CTNNA3: variants seen among roughly 807,000 people sequenced by gnomAD.
The protein encoded by CTNNA3 is catenin alpha 3.
In CTNNA3, 76 loss-of-function variants were observed where a neutral mutation model predicts 95.7. That is an observed-to-expected ratio of 0.79 (90% CI 0.66 to 0.96). CTNNA3 has a LOEUF of 0.96. Ranked by LOEUF, CTNNA3 falls within the 40% of genes least tolerant of loss-of-function variation. The pLI is 0.00. For synonymous variants in CTNNA3, 431 were observed against 374.4 expected (o/e 1.15, Z -1.74); for missense variants, 1,191 against 1,089.8 (o/e 1.09, Z -1.31).
At chr10:66,095,990 G>A (rs557081683) in intron 14 of CTNNA3, among the ~76,000 whole-genome samples, 1 of 151,848 alleles carries the variant, frequency 6.6e-6, no homozygotes, top group Non-Finnish European at 1.5e-5. Context: ...TGTAATTTGG[G>A]GTCATCAGTA....
At chr10:66,467,201 C>A (rs1264529880) in intron 11 of CTNNA3, among the ~76,000 whole-genome samples, 1 of 152,066 alleles carries the variant, frequency 6.6e-6, no homozygotes, top group African/African-American at 2.4e-5. Flanking sequence ...TTGGGAAAGT[C>A]TTTTTTGATC....
In CTNNA3 at chr10:67,384,747, G is replaced by C. The variant is rs1427966946; in HGVS notation, c.579+137095C>G. On this transcript the variant is annotated intron_variant, in intron 5 of 17. Transcript: ENST00000433211. Reference sequence around the variant, plus strand: ...ACTCAGTTTAGAGAAAAAGCTTTCTGAGAGCTTAGAAATAGAGCATGGAAT... The same window carrying C: ...ACTCAGTTTAGAGAAAAAGCTTTCTCAGAGCTTAGAAATAGAGCATGGAAT... Among the ~76,000 whole-genome samples the C allele has an allele frequency of 3.9e-5, 6 of 152,276 alleles. No individual in the cohort carries two copies. In the South Asian group the frequency reaches 6.2e-4, roughly 16 times the overall value.
intron 7 of CTNNA3, among the ~76,000 whole-genome samples, chr10:67,009,069 C>A (rs1403411979): frequency 6.6e-6 from 1 of 152,086 alleles, no homozygotes; most frequent in Non-Finnish European, 1.5e-5. Flanking sequence ...ATTTTTCTCT[C>A]TTCCATGTGA....
chr10:67,152,564 A>AC (rs1437244641), intron 7 of CTNNA3, among the ~76,000 whole-genome samples: 1 of 152,216 alleles, frequency 6.6e-6, no homozygotes, highest in Non-Finnish European at 1.5e-5. Context: ...CTTATCATAA[A>AC]ACTTAAGCAT....
intron 10 of CTNNA3, among the ~76,000 whole-genome samples, chr10:66,565,727 G>A (rs762368927): frequency 2.0e-5 from 3 of 152,128 alleles, no homozygotes; most frequent in Non-Finnish European, 2.9e-5. Flanking sequence ...CCAAGAATAT[G>A]TCAGGTCTCT....
chr10:66,087,204 C>A (rs1170399446), intron 14 of CTNNA3, among the ~76,000 whole-genome samples: 1 of 152,098 alleles, frequency 6.6e-6, no homozygotes. Context: ...ACACCATCTC[C>A]TCAAGCCCCT....
At chr10:67,372,742 C>A (rs1843527594) in intron 5 of CTNNA3, among the ~76,000 whole-genome samples, 1 of 152,142 alleles carries the variant, frequency 6.6e-6, no homozygotes, top group Admixed American at 6.5e-5. Context: ...TCGGGTTACC[C>A]ACAAAGGGAA....
At chr10:67,700,342 T>G (rs551339657), upstream of CTNNA3, among the ~76,000 whole-genome samples, 20 of 152,016 alleles carry the variant, frequency 1.3e-4, no homozygotes, top group African/African-American at 4.8e-4. Context: ...CCCTGACCCC[T>G]TGACCCCCGA....
chr10:66,776,261 C>T (rs1035682833), intron 7 of CTNNA3, among the ~76,000 whole-genome samples: 1 of 152,154 alleles, frequency 6.6e-6, no homozygotes, highest in East Asian at 1.9e-4. Context: ...TGATATCTCA[C>T]ATAAAAGAGA....
chr10:66,295,050 A>C (rs897127096), intron 12 of CTNNA3, among the ~76,000 whole-genome samples: 2 of 152,210 alleles, frequency 1.3e-5, no homozygotes, highest in Non-Finnish European at 2.9e-5. Context: ...CTCTGTTGAT[A>C]GCTTCACAGA....
In CTNNA3 at chr10:66,927,950, A is replaced by G. The variant is rs1484570489; in HGVS notation, c.1048-152426T>C. ...ACAATTATCTGTGCCAGTCCCAAAGAGCTGCAAGGAGTAAATGTGATCGAT... is the reference window on the plus strand; with the variant it reads ...ACAATTATCTGTGCCAGTCCCAAAGGGCTGCAAGGAGTAAATGTGATCGAT... On this transcript the variant is annotated intron_variant, in intron 7 of 17. Coordinates refer to ENST00000433211, the MANE Select transcript of CTNNA3 (RefSeq NM_013266.4). This position sits in a 1 kb window ranked among gnomAD's most constrained non-coding sequence, Gnocchi z 4.7. 6.2e-7 allele frequency: 1 copy of G among 1,614,126 alleles called. No homozygotes were observed. The highest frequency in any genetic ancestry group is 1.3e-5 in the African/African-American group (1 of 74,944).
At chr10:66,753,038 G>A (rs1839217063) in intron 9 of CTNNA3, among the ~76,000 whole-genome samples, 1 of 152,110 alleles carries the variant, frequency 6.6e-6, no homozygotes, top group Non-Finnish European at 1.5e-5. Flanking sequence ...CCTTGATGGT[G>A]TTGCATACAT....
intron 7 of CTNNA3, among the ~76,000 whole-genome samples, chr10:66,983,005 A>G (rs1336053370): frequency 1.2e-4 from 18 of 152,310 alleles, no homozygotes; most frequent in Middle Eastern, 3.4e-3. Flanking sequence ...AAGGAAATGC[A>G]CTAATGAGCA....
At chr10:66,048,971 G>A (rs948481482) in intron 15 of CTNNA3, among the ~76,000 whole-genome samples, 2 of 108,000 alleles carry the variant, frequency 1.9e-5, no homozygotes, top group Non-Finnish European at 4.4e-5. Context: ...ATTCTACACA[G>A]CAAAAAAAAA....
chr10:66,956,680 T>C (rs1020370664), intron 7 of CTNNA3, among the ~76,000 whole-genome samples: 2 of 152,226 alleles, frequency 1.3e-5, no homozygotes, highest in African/African-American at 4.8e-5. Flanking sequence ...TCTGTTTTCC[T>C]GCAGAGTAAA....
intron 7 of CTNNA3, among the ~76,000 whole-genome samples, chr10:67,062,764 C>T (rs766045954): frequency 7.9e-5 from 12 of 152,238 alleles, no homozygotes; most frequent in Non-Finnish European, 1.5e-4. Context: ...AAATTTGATT[C>T]TGCTAATGAG....
At chr10:67,317,324 T>A (rs547130344) in intron 5 of CTNNA3, among the ~76,000 whole-genome samples, 65 of 152,150 alleles carry the variant, frequency 4.3e-4, no homozygotes, top group African/African-American at 1.4e-3. Flanking sequence ...AACTCTTCAT[T>A]TAGCATTAGG....
At chr10:65,990,418 G>C (rs1322792609) in intron 15 of CTNNA3, among the ~76,000 whole-genome samples, 3 of 145,642 alleles carry the variant, frequency 2.1e-5, no homozygotes, top group East Asian at 2.0e-4. Context: ...TTTAATAATA[G>C]TCATTCTAAC....
At chr10:67,047,485 T>C (rs1854826600) in intron 7 of CTNNA3, among the ~76,000 whole-genome samples, 1 of 152,120 alleles carries the variant, frequency 6.6e-6, no homozygotes. Flanking sequence ...TACTGCATTA[T>C]ATTTAAACCA....
Sources: gnomAD v4.1 joint callset for allele counts (sites outside exome capture counted in the v4.1 genomes callset) on GRCh38, gnomAD v4.1.1 for gene constraint, Gnocchi (gnomAD v3.1) non-coding constraint, MANE v1.5 for transcripts, NCBI Gene and HGNC (gene_info 2026-07-23, HGNC 2026-07-21) for gene names.